Variants in TPR observed in about 807,000 individuals in gnomAD.
TPR encodes translocated promoter region, nuclear basket protein.
In TPR, 51 loss-of-function variants were observed where a neutral mutation model predicts 316.1. The ratio of observed to expected loss-of-function variants is 0.16; its 90% confidence interval spans 0.13 to 0.20. TPR has a LOEUF of 0.20. TPR is among the 10% of genes least tolerant of loss of function. The pLI is 1.00. For missense variants in TPR, 2,272 were observed against 2,754.8 expected, an observed-to-expected ratio of 0.82 and a Z score of 3.92; for synonymous variants, 981 against 914.7, an observed-to-expected ratio of 1.07 and a Z score of -1.31.
rs201983693 is a variant in TPR, at chr1:186,325,868, G to A, written c.6022-14C>T. The A allele has an allele frequency of 7.5e-6, 12 of 1,609,538 alleles. No individual in the cohort carries two copies. Among genetic ancestry groups the A allele is most frequent in the African/African-American group, 4.0e-5 (3 of 74,764 alleles). On this transcript the variant is annotated splice_polypyrimidine_tract_variant and intron_variant, in intron 41 of 50. Coordinates refer to ENST00000367478, the MANE Select transcript of TPR (RefSeq NM_003292.3). Reference sequence around the variant, plus strand: ...CCCATCACCACCCTAAAAACAAAACGTGGTAACATAATGCTCAAATAAAAT... The same window carrying A: ...CCCATCACCACCCTAAAAACAAAACATGGTAACATAATGCTCAAATAAAAT...
intron 18 of TPR, among the ~76,000 whole-genome samples, chr1:186,352,985 T>C (rs1235121199): frequency 3.9e-5 from 6 of 152,246 alleles, no homozygotes. Context: ...TAATTTCAAA[T>C]GGACATTTAT....
At chr1:186,360,460 T>C (rs1309511553) in intron 10 of TPR, 96 bp from the exon 11 acceptor site, 1 of 1,248,100 alleles carries the variant, frequency 8.0e-7, no homozygotes, top group Non-Finnish European at 1.1e-6. Context: ...CTGTACATTA[T>C]ATAGTAATTC....
chr1:186,371,713 A>G (rs1659530751), intron 2 of TPR, among the ~76,000 whole-genome samples: 2 of 152,276 alleles, frequency 1.3e-5, no homozygotes, highest in South Asian at 4.1e-4. Context: ...AAGCAAATAC[A>G]TTTTAATTAA....
intron 37 of TPR, 66 bp from the exon 38 acceptor site, chr1:186,332,409 C>A: frequency 6.5e-7 from 1 of 1,542,984 alleles, no homozygotes; most frequent in South Asian, 1.2e-5. Context: ...AGATAGTTTA[C>A]CCAATATGGT....
chr1:186,328,766 A>G (rs1279422488), intron 39 of TPR, among the ~76,000 whole-genome samples: 2 of 152,194 alleles, frequency 1.3e-5, no homozygotes, highest in African/African-American at 2.4e-5. Context: ...CAAAATAAAT[A>G]TATCAGATAC....
At chr1:186,338,632 C>T (rs1010968566) in intron 30 of TPR, among the ~76,000 whole-genome samples, 1 of 152,144 alleles carries the variant, frequency 6.6e-6, no homozygotes, top group Admixed American at 6.5e-5. Context: ...TTATGCTTTG[C>T]AAGCCACAAA....
chr1:186,347,451 A>G lies in TPR; in HGVS notation c.2784T>C (p.Pro928=), dbSNP rs773889380. The G allele has an allele frequency of 8.1e-6, 13 of 1,613,770 alleles. No individual in the cohort carries two copies. Among genetic ancestry groups the G allele is most frequent in the Non-Finnish European group, 1.1e-5 (13 of 1,179,888 alleles). The change falls in exon 22 of 51, where the codon CCT becomes CCC. Residue 928 remains proline (P), a synonymous_variant. Coordinates refer to ENST00000367478, the MANE Select transcript of TPR (RefSeq NM_003292.3). ...GATCATCCACATCTTCTTTGTTGCT[A>G]GGCTGACCTAAAAGACATAACAGCT... ...QSSQRTGKGQ[P]SNKEDVDDLV...
rs1657674864 is a variant in TPR, at chr1:186,318,457, C to G, written c.6811G>C (p.Glu2271Gln). The G allele has an allele frequency of 1.9e-6, 3 of 1,610,688 alleles. No homozygotes were observed. The South Asian group carries it at 3.3e-5, about 18-fold the overall frequency. Residue 2271 changes from glutamate (E) to glutamine (Q), a missense_variant, in exon 48 of 51, where the codon GAA becomes CAA. Glu to Gln is a conservative substitution (Grantham distance 29). This residue lies in a region of TPR where 123 missense variants were observed against 142.3 expected (regional missense o/e 0.86). Coordinates refer to ENST00000367478, the MANE Select transcript of TPR (RefSeq NM_003292.3). ...DDGDEVFVEA[E>Q]SEGISSEAGL... ...AAAATAAACTTTTACCCTTCAGATT[C>G]TGCCTCCACAAATACTTCATCTCCA... is the stretch of plus-strand genomic sequence containing the variant.
At position 186,312,918 on chromosome 1, in the gene TPR, C is replaced by T; in HGVS notation, c.*1053G>A. On this transcript the variant is annotated 3_prime_UTR_variant, in exon 51 of 51. Transcript: ENST00000367478. The stretch of plus-strand genomic sequence containing the variant: ...AGGTAAGGTATTAACTAACAGTTTC[C>T]CAAGGAGGTGATATCATTTGTGAAA... 6.3e-7 allele frequency: 1 copy of T among 1,599,690 alleles called. No homozygotes were observed. Among genetic ancestry groups the T allele is most frequent in the East Asian group, 2.2e-5 (1 of 44,786 alleles).
Position 186,357,462 on chromosome 1 carries a change from G to A in TPR, c.1659C>T (p.Leu553=), listed in dbSNP as rs888487013. The change falls in exon 14 of 51, where the codon CTC becomes CTT. Residue 553 remains leucine (L), a synonymous_variant. Transcript: ENST00000367478. ...CCCCAAGCTCTCTAAGGGCCACTAA[G>A]AGACGTTGATTTTGTTGTTGAAGCT... is the stretch of plus-strand genomic sequence containing the variant. ...IEELQQQNQR[L]LVALRELGET... is the part of the protein sequence containing the mutation. The A allele has an allele frequency of 6.2e-7, 1 of 1,613,988 alleles. No individual in the cohort carries two copies. The highest frequency in any genetic ancestry group is 1.1e-5 in the South Asian group (1 of 91,068).
chr1:186,318,306 C>T (rs867314966), intron 48 of TPR, 141 bp downstream of exon 48: 39 of 1,087,508 alleles, frequency 3.6e-5, no homozygotes, highest in South Asian at 1.0e-4. Flanking sequence ...CCAGCATGGG[C>T]GACAGAGCGA....
chr1:186,360,503 G>A, intron 10 of TPR, 139 bp from the exon 11 acceptor site: 1 of 969,506 alleles, frequency 1.0e-6, no homozygotes, highest in Non-Finnish European at 1.5e-6. Context: ...ACATCAAAAA[G>A]TCATGTAACA....
rs763044469 is a variant in TPR, at chr1:186,346,151, T to A, written c.3080A>T (p.Glu1027Val). 1 of 1,612,468 alleles carries A rather than the reference T, an allele frequency of 6.2e-7. No individual in the cohort carries two copies. The highest frequency in any genetic ancestry group is 1.1e-5 in the South Asian group (1 of 90,904). ...CCTATTTACCTGTTGTTCCATGCTC[T>A]CTATGGCTCTTCTTTTATCATCCTG... ...ELQDDKRRAI[E>V]SMEQQLSELK... Residue 1027 changes from glutamate to valine, a missense_variant, in exon 23 of 51, where the codon GAG (glutamate) becomes GTG (valine). Glu to Val is a moderately radical substitution (Grantham distance 121, BLOSUM62 -2). This residue lies in a region of TPR where 757 missense variants were observed against 859.8 expected (regional missense o/e 0.88). Coordinates refer to ENST00000367478, the MANE Select transcript of TPR (RefSeq NM_003292.3).
At position 186,355,504 on chromosome 1, in the gene TPR, GTAT is replaced by G; in HGVS notation, c.2074_2076del (p.Ile692del). The stretch of plus-strand genomic sequence containing the variant: ...TGAAGTTTCTCAAGCTGCTCATTTT[GTAT>G]TTTTTCATTTTCTGCTTTTTCTTTT... On this transcript the variant is annotated inframe_deletion, in exon 17 of 51. Coordinates refer to ENST00000367478, the MANE Select transcript of TPR (RefSeq NM_003292.3). 6.2e-7 allele frequency: 1 copy of G among 1,612,252 alleles called. No individual in the cohort carries two copies. The highest frequency in any genetic ancestry group is 8.5e-7 in the Non-Finnish European group (1 of 1,179,660).
At chr1:186,335,200 G>A in intron 34 of TPR, 71 bp from the exon 35 acceptor site, 1 of 1,558,408 alleles carries the variant, frequency 6.4e-7, no homozygotes, top group Non-Finnish European at 8.7e-7. Context: ...CAAAAAAATT[G>A]TCATTATTGT....
rs139580307 is a variant in TPR at position 186,333,555 on chromosome 1, C to T, written c.5183-161G>A. ...AATGTATTATGCATTTTTATATTCC[C>T]TATGTAATTGATATGGTAGCATGCA... is the stretch of plus-strand genomic sequence containing the variant. On this transcript the variant is annotated intron_variant, in intron 36 of 50. Coordinates refer to ENST00000367478, the MANE Select transcript of TPR (RefSeq NM_003292.3). Among the ~76,000 whole-genome samples, 975 of 152,086 alleles carry T rather than the reference C, an allele frequency of 6.4e-3. 12 individuals are homozygous for T. The highest frequency in any genetic ancestry group is 0.021 in the African/African-American group (875 of 41,516).
In TPR at chr1:186,327,444, T is replaced by C. The variant is rs759334709; in HGVS notation, c.5889+16A>G. 3.1e-6 allele frequency: 5 copies of C among 1,606,282 alleles called. No individual in the cohort carries two copies. Among genetic ancestry groups the C allele is most frequent in the Non-Finnish European group, 4.2e-6 (5 of 1,178,958 alleles). ...CAATAGTTTAAAAACACTAGATGAT[T>C]TCAAATCAAACTTACCTCATGTTCT... is the stretch of plus-strand genomic sequence containing the variant. On this transcript the variant is annotated intron_variant, in intron 40 of 50. Transcript: ENST00000367478.
At position 186,343,532 on chromosome 1, in the gene TPR, CGTAG is replaced by C. The variant is rs1658576389; in HGVS notation, c.3603-63_3603-60del. 5 of 1,521,110 alleles carry C rather than the reference CGTAG, an allele frequency of 3.3e-6. No homozygotes were observed. The South Asian group carries it at 4.9e-5, about 15-fold the overall frequency. 94.2% of individuals were successfully genotyped at this position (1,521,110 alleles called of 1,614,324 possible). A position where few individuals can be genotyped will look rare whatever the true frequency, so the allele number is the denominator to read the frequency against. On this transcript the variant is annotated intron_variant, in intron 26 of 50. Coordinates refer to ENST00000367478, the MANE Select transcript of TPR (RefSeq NM_003292.3). ...ATTTTAAAAAGCCAACATTACAAAA[CGTAG>C]GTAATTTGGTAAGATGACAAAAATC...
At chr1:186,359,059 G>C (rs1394912861) in intron 12 of TPR, among the ~76,000 whole-genome samples, 1 of 152,046 alleles carries the variant, frequency 6.6e-6, no homozygotes, top group Non-Finnish European at 1.5e-5. Context: ...CAGCAACAGA[G>C]ATTTAATTTT....
Sources: gnomAD v4.1 joint callset for allele counts (sites outside exome capture counted in the v4.1 genomes callset) on GRCh38, gnomAD v4.1.1 for gene constraint, gnomAD v4.1.1 regional missense constraint, MANE v1.5 for transcripts, NCBI Gene and HGNC (gene_info 2026-07-23, HGNC 2026-07-21) for gene names.